Variants in C2orf76 observed in about 807,000 individuals in gnomAD.
C2orf76 encodes the protein UPF0538 protein C2orf76.
Under a neutral mutation model 16.9 loss-of-function variants are expected in C2orf76, and 23 were observed. The ratio of observed to expected loss-of-function variants is 1.36; its 90% CI spans 0.98 to 1.93. The LOEUF (loss-of-function observed/expected upper bound fraction) is 1.93. Ranked by LOEUF, C2orf76 falls within the 30% of genes most tolerant of loss-of-function variation. The pLI is 0.00. For synonymous variants in C2orf76, 48 were observed against 52.3 expected (o/e 0.92, Z 0.35); for missense variants, 152 against 152.6 (o/e 1.00, Z 0.02).
At chr2:119,331,389 C>T (rs913332596) in intron 2 of C2orf76, among the ~76,000 whole-genome samples, 3 of 152,186 alleles carry the variant, frequency 2.0e-5, no homozygotes, top group Non-Finnish European at 4.4e-5. Context: ...GTAGGAGCTC[C>T]GAGCATTTCT....
chr2:119,324,802 T>C (rs967875023), intron 2 of C2orf76, among the ~76,000 whole-genome samples: 1 of 152,178 alleles, frequency 6.6e-6, no homozygotes, highest in African/African-American at 2.4e-5. Context: ...AGATTAGACA[T>C]TAGACACACT....
the C2orf76 span, among the ~76,000 whole-genome samples, chr2:119,285,223 G>A: frequency 5.3e-5 from 8 of 152,280 alleles, no homozygotes; most frequent in Non-Finnish European, 1.0e-4. Flanking sequence ...AGAAAAGAAT[G>A]ACTCAATAAC....
intron 1 of C2orf76, among the ~76,000 whole-genome samples, chr2:119,346,024 C>A (rs1185116589): frequency 7.3e-6 from 1 of 137,140 alleles, no homozygotes; most frequent in African/African-American, 2.8e-5. Flanking sequence ...CACTGCACTC[C>A]AGCCTGGGCG....
intron 2 of C2orf76, among the ~76,000 whole-genome samples, chr2:119,326,413 A>G (rs1320506750): frequency 6.6e-6 from 1 of 152,122 alleles, no homozygotes; most frequent in Non-Finnish European, 1.5e-5. Flanking sequence ...CCATTAACGT[A>G]TATGTTTATC....
chr2:119,307,380 A>C (rs1193853178), intron 5 of C2orf76, among the ~76,000 whole-genome samples: 1 of 151,910 alleles, frequency 6.6e-6, no homozygotes, highest in Non-Finnish European at 1.5e-5. Context: ...CGGAGGTTGC[A>C]GTGAGCCGAG....
At chr2:119,350,609 T>C (rs1464345383) in intron 1 of C2orf76, among the ~76,000 whole-genome samples, 1 of 152,218 alleles carries the variant, frequency 6.6e-6, no homozygotes, top group Non-Finnish European at 1.5e-5. Context: ...CCCTCCCCTC[T>C]GCAGCTGCTT....
Position 119,340,897 on chromosome 2 carries a change from A to T in C2orf76, c.-12-926T>A, listed in dbSNP as rs147248200. Among the ~76,000 whole-genome samples, 305 of 148,702 alleles carry T rather than the reference A, an allele frequency of 2.1e-3. 2 individuals are homozygous for T. Among genetic ancestry groups the T allele is most frequent in the African/African-American group, 7.0e-3 (286 of 40,618 alleles). The stretch of plus-strand genomic sequence containing the variant: ...TTAAAAAATATTTTTGTTTTGAAAT[A>T]TTGTAAGCAAACAGTTAAAAAAAAA... On this transcript the variant is annotated intron_variant, in intron 1 of 5. Transcript: ENST00000334816.
chr2:119,295,868 C>T, the C2orf76 span, among the ~76,000 whole-genome samples: 1 of 152,328 alleles, frequency 6.6e-6, no homozygotes, highest in South Asian at 2.1e-4. Context: ...AGGAGGGTCA[C>T]TGCTCCCTAA....
downstream of C2orf76, among the ~76,000 whole-genome samples, chr2:119,299,631 T>A (rs1021632380): frequency 2.6e-5 from 4 of 152,206 alleles, no homozygotes; most frequent in Non-Finnish European, 5.9e-5. Context: ...TAGTTTCTGG[T>A]GGTTGCTGTT....
chr2:119,337,091 T>C (rs955766491), intron 2 of C2orf76, among the ~76,000 whole-genome samples: 1 of 151,918 alleles, frequency 6.6e-6, no homozygotes, highest in Admixed American at 6.6e-5. Flanking sequence ...AGGCTTGCTC[T>C]GTGGTCCAGA....
downstream of C2orf76, among the ~76,000 whole-genome samples, chr2:119,300,811 C>T (rs1678608045): frequency 6.6e-6 from 1 of 152,160 alleles, no homozygotes; most frequent in African/African-American, 2.4e-5. Flanking sequence ...AAGTGGAAAA[C>T]ATAATGGCTG....
the C2orf76 span, among the ~76,000 whole-genome samples, chr2:119,286,998 G>A: frequency 2.0e-5 from 3 of 152,156 alleles, no homozygotes; most frequent in African/African-American, 7.2e-5. Flanking sequence ...TCTTTCACCT[G>A]CGAAGTCCCT....
chr2:119,340,104 C>T, intron 1 of C2orf76, 133 bp from the exon 2 acceptor site: 1 of 1,000,040 alleles, frequency 1.0e-6, no homozygotes, highest in Non-Finnish European at 1.4e-6. Flanking sequence ...GACAGAGTTC[C>T]CAAACAGAAG....
At position 119,302,512 on chromosome 2, in the gene C2orf76, T is replaced by G; in HGVS notation, c.341A>C (p.Asp114Ala). The G allele has an allele frequency of 2.0e-6, 3 of 1,513,740 alleles. No homozygotes were observed. Among genetic ancestry groups the G allele is most frequent in the Non-Finnish European group, 2.7e-6 (3 of 1,116,592 alleles). The allele number at this position is 1,513,740 out of a possible 1,614,324, so 93.8% of individuals were successfully genotyped here. Residue 114 changes from aspartate (D) to alanine (A), a missense_variant, in exon 6 of 6, where the codon GAT becomes GCT. Physicochemically the swap from Asp to Ala is moderately radical, Grantham distance 126 (BLOSUM62 -2). Coordinates refer to ENST00000334816, the MANE Select transcript of C2orf76 (RefSeq NM_001322331.2). ...ETEIAFFCEE[D>A]YKNYKANPIS... is the part of the protein sequence containing the mutation. ...GGGATTAGCTTTGTAGTTCTTATAA[T>G]CTTCTTCACAGAAGAATGCAATTTC...
chr2:119,306,770 G>T (rs1053206039), intron 5 of C2orf76, among the ~76,000 whole-genome samples: 1 of 77,862 alleles, frequency 1.3e-5, no homozygotes, highest in African/African-American at 5.3e-5. Context: ...ACGTATTTTC[G>T]TACTGGGTCC....
chr2:119,290,771 G>A, the C2orf76 span, among the ~76,000 whole-genome samples: 85 of 152,098 alleles, frequency 5.6e-4, 1 homozygote, highest in African/African-American at 1.9e-3. Context: ...CGGAGGTTGC[G>A]GTGAGCCGAG....
chr2:119,331,047 T>C (rs1284979223), intron 2 of C2orf76, among the ~76,000 whole-genome samples: 1 of 152,160 alleles, frequency 6.6e-6, no homozygotes, highest in Non-Finnish European at 1.5e-5. Flanking sequence ...TTCTGCTCAT[T>C]ATGGGTCATA....
At position 119,362,574 on chromosome 2, in the gene C2orf76, T is replaced by C. The variant is rs1015030013; in HGVS notation, c.-13+4216A>G. Among the ~76,000 whole-genome samples, 9 of 152,218 alleles carry C rather than the reference T, an allele frequency of 5.9e-5. No homozygotes were observed. The East Asian group carries it at 1.5e-3, about 26-fold the overall frequency. ...AACACATTTTTATTAAAGTATGAAG[T>C]TGAACAAGAACTCAGTACTGAACTC... On this transcript the variant is annotated intron_variant, in intron 1 of 5. Transcript: ENST00000334816.
At chr2:119,314,613 C>T (rs1286379348) in intron 4 of C2orf76, among the ~76,000 whole-genome samples, 6 of 152,074 alleles carry the variant, frequency 3.9e-5, no homozygotes, top group African/African-American at 1.2e-4. Context: ...TAATTACTAT[C>T]GTTTTATAAC....
Sources: gnomAD v4.1 joint callset for allele counts (sites outside exome capture counted in the v4.1 genomes callset) on GRCh38, gnomAD v4.1.1 for gene constraint, MANE v1.5 for transcripts, NCBI Gene and HGNC (gene_info 2026-07-23, HGNC 2026-07-21) for gene names.